Variants in HAPSTR1 observed in about 807,000 individuals in gnomAD.
The protein encoded by HAPSTR1 is HUWE1 associated protein modifying stress responses.
At chr16:9,121,003 G>A in the HAPSTR1 span, 1 of 152,108 alleles carries the variant, frequency 6.6e-6, no homozygotes, top group Admixed American at 6.6e-5. Flanking sequence ...TTGAGATGGA[G>A]TCTCTGTCGC....
chr16:9,095,120 TTTTA>T, the HAPSTR1 span, among the ~76,000 whole-genome samples: 2 of 152,246 alleles, frequency 1.3e-5, no homozygotes, highest in African/African-American at 4.8e-5. Flanking sequence ...TCTGAACTAG[TTTTA>T]TTTTGTACCT....
At chr16:9,096,165 C>G in the HAPSTR1 span, among the ~76,000 whole-genome samples, 1 of 152,130 alleles carries the variant, frequency 6.6e-6, no homozygotes, top group Non-Finnish European at 1.5e-5. Flanking sequence ...ACTTAATTAA[C>G]TTAAATAGGG....
chr16:9,120,160 A>G, the HAPSTR1 span: 3 of 152,220 alleles, frequency 2.0e-5, no homozygotes, highest in Admixed American at 2.0e-4. Flanking sequence ...CATGGTGAGG[A>G]TGGGAATCTT....
the HAPSTR1 span, chr16:9,112,509 G>GAT: frequency 6.6e-6 from 1 of 152,296 alleles, no homozygotes; most frequent in Non-Finnish European, 1.5e-5. Context: ...CTGGGAAGCA[G>GAT]ATAGACAGTG....
the HAPSTR1 span, chr16:9,110,558 A>G: frequency 1.3e-5 from 2 of 152,292 alleles, no homozygotes; most frequent in South Asian, 2.1e-4. Context: ...TTTTTTGAGA[A>G]CAAATCACTC....
the HAPSTR1 span, among the ~76,000 whole-genome samples, chr16:9,101,913 G>A: frequency 1.3e-3 from 194 of 152,300 alleles, no homozygotes; most frequent in Admixed American, 2.5e-3. Context: ...ACAAGGTCAG[G>A]AGTTGAAGAC....
chr16:9,109,439 A>G, the HAPSTR1 span: 13 of 152,206 alleles, frequency 8.5e-5, no homozygotes, highest in Admixed American at 4.6e-4. Context: ...GGTCTCTGCA[A>G]GTTGCTGACC....
chr16:9,096,339 T>A, the HAPSTR1 span, among the ~76,000 whole-genome samples: 1 of 152,212 alleles, frequency 6.6e-6, no homozygotes, highest in Non-Finnish European at 1.5e-5. Context: ...ATTTTCTGTC[T>A]TTTTAAAAAT....
At chr16:9,113,037 GTTTTTTT>G in the HAPSTR1 span, 1 of 116,448 alleles carries the variant, frequency 8.6e-6, no homozygotes, top group Non-Finnish European at 1.9e-5. Flanking sequence ...GTTTTTTTTT[GTTTTTTT>G]TTTAGTTCTG....
At chr16:9,117,067 AT>A in the HAPSTR1 span, 3 of 1,083,410 alleles carry the variant, frequency 2.8e-6, no homozygotes, top group African/African-American at 4.8e-5. Flanking sequence ...AGTTCTAGGT[AT>A]TTATAGTAGA....
At chr16:9,117,178 C>T in the HAPSTR1 span, 7 of 427,816 alleles carry the variant, frequency 1.6e-5, no homozygotes, top group Admixed American at 4.0e-5. Context: ...AACATATATC[C>T]GTTCCAAGGC....
chr16:9,092,056 G>T, the HAPSTR1 span: 1 of 1,524,856 alleles, frequency 6.6e-7, no homozygotes, highest in Non-Finnish European at 8.8e-7. Flanking sequence ...TGGAGGAGCG[G>T]AAGGAGGAGG....
At chr16:9,112,441 C>A in the HAPSTR1 span, 1 of 152,256 alleles carries the variant, frequency 6.6e-6, no homozygotes, top group Non-Finnish European at 1.5e-5. Flanking sequence ...GGTGGATCAA[C>A]GGTGTCTTCT....
chr16:9,097,704 T>C, the HAPSTR1 span, among the ~76,000 whole-genome samples: 1 of 152,256 alleles, frequency 6.6e-6, no homozygotes, highest in Admixed American at 6.5e-5. Flanking sequence ...CTCCCCTGTG[T>C]GCACTCGCAC....
chr16:9,099,148 A>G, the HAPSTR1 span, among the ~76,000 whole-genome samples: 81 of 150,986 alleles, frequency 5.4e-4, 1 homozygote, highest in Non-Finnish European at 5.2e-4. Context: ...AAGAAAAAAA[A>G]GGGAAATATG....
At chr16:9,119,799 TG>T in the HAPSTR1 span, 1 of 152,252 alleles carries the variant, frequency 6.6e-6, no homozygotes, top group Non-Finnish European at 1.5e-5. Context: ...GCTTTCTAAA[TG>T]TTTTTTTCTA....
At chr16:9,101,185 G>C in the HAPSTR1 span, among the ~76,000 whole-genome samples, 1 of 152,154 alleles carries the variant, frequency 6.6e-6, no homozygotes, top group African/African-American at 2.4e-5. Context: ...GCACTACAAG[G>C]TCATCTTTAG....
the HAPSTR1 span, among the ~76,000 whole-genome samples, chr16:9,092,593 C>T: frequency 1.3e-5 from 2 of 152,050 alleles, no homozygotes; most frequent in African/African-American, 4.8e-5. Context: ...CACAAAATGG[C>T]GAAGGGAGAC....
At chr16:9,116,426 G>A in the HAPSTR1 span, among the ~76,000 whole-genome samples, 3 of 152,090 alleles carry the variant, frequency 2.0e-5, no homozygotes, top group Non-Finnish European at 2.9e-5. Flanking sequence ...TGGTTGACAC[G>A]TAGTAACTTT....
Sources: gnomAD v4.1 joint callset for allele counts (sites outside exome capture counted in the v4.1 genomes callset) on GRCh38, gnomAD v4.1.1 for gene constraint, MANE v1.5 for transcripts, NCBI Gene and HGNC (gene_info 2026-07-23, HGNC 2026-07-21) for gene names.